The following MTUS2 variants were observed in gnomAD, a reference collection of about 807,000 sequenced individuals.
The protein encoded by MTUS2 is microtubule-associated tumor suppressor candidate 2.
MTUS2 carries 40 observed loss-of-function variants against 114.1 expected under a neutral mutation model. That is an observed-to-expected ratio of 0.35 (90% CI 0.27 to 0.46). The LOEUF (loss-of-function observed/expected upper bound fraction) is 0.46. Ranked by LOEUF, MTUS2 falls within the 20% of genes least tolerant of loss-of-function variation. The probability of loss-of-function intolerance (pLI) is 1.00; values close to 1 mark genes in which losing one functional copy is unlikely to be tolerated. For missense variants in MTUS2, 1,679 were observed against 1,705.4 expected, an observed-to-expected ratio of 0.98 and a Z score of 0.27; for synonymous variants, 688 against 672.0, an observed-to-expected ratio of 1.02 and a Z score of -0.37.
intron 4 of MTUS2, among the ~76,000 whole-genome samples, chr13:29,086,315 C>G (rs1294141721): frequency 6.6e-6 from 1 of 152,098 alleles, no homozygotes; most frequent in Non-Finnish European, 1.5e-5. Context: ...CTTTTTGTTA[C>G]AATTGCTTTT....
chr13:28,910,855 CTTTTTTTTTTTTTTTTTTTTTTT>C (rs555935861), intron 2 of MTUS2, among the ~76,000 whole-genome samples: 16 of 58,006 alleles, frequency 2.8e-4, no homozygotes, highest in Admixed American at 8.6e-4. Flanking sequence ...ATATACATGG[CTTTTTTTTTTTTTTTTTTTTTTT>C]TTTTTTTTTT....
intron 1 of MTUS2, among the ~76,000 whole-genome samples, chr13:28,838,702 T>C (rs1040506254): frequency 6.6e-6 from 1 of 152,228 alleles, no homozygotes; most frequent in Non-Finnish European, 1.5e-5. Context: ...CCCTCAGCTT[T>C]TCTTTCTGTC....
At chr13:29,221,202 G>C (rs1895894637) in intron 5 of MTUS2, among the ~76,000 whole-genome samples, 1 of 152,222 alleles carries the variant, frequency 6.6e-6, no homozygotes, top group African/African-American at 2.4e-5. Flanking sequence ...AACGTGTTCT[G>C]AGTTTTATGG....
At chr13:29,134,707 C>A (rs1196329516) in intron 5 of MTUS2, among the ~76,000 whole-genome samples, 1 of 151,990 alleles carries the variant, frequency 6.6e-6, no homozygotes, top group South Asian at 2.1e-4. Flanking sequence ...AAGCAATTAT[C>A]CCGCCTTAGC....
At chr13:29,161,309 A>C (rs1304107394) in intron 5 of MTUS2, among the ~76,000 whole-genome samples, 1 of 152,126 alleles carries the variant, frequency 6.6e-6, no homozygotes, top group Non-Finnish European at 1.5e-5. Flanking sequence ...AGGGTGTAGA[A>C]GATTGCGCCG....
At chr13:29,086,856 A>G (rs1889714213) in intron 4 of MTUS2, among the ~76,000 whole-genome samples, 1 of 152,054 alleles carries the variant, frequency 6.6e-6, no homozygotes, top group African/African-American at 2.4e-5. Flanking sequence ...CTGTATTCCT[A>G]GGTATTTTAT....
chr13:29,383,209 G>A (rs4643157), intron 8 of MTUS2, among the ~76,000 whole-genome samples: 68,019 of 125,754 alleles, frequency 0.54, 18,732 homozygotes, highest in East Asian at 0.7. Context: ...TAAATGATAG[G>A]AAAATTGAGT....
chr13:29,198,668 C>T (rs1894805779), intron 5 of MTUS2, among the ~76,000 whole-genome samples: 1 of 152,160 alleles, frequency 6.6e-6, no homozygotes, highest in Non-Finnish European at 1.5e-5. Context: ...AAAGTATGGC[C>T]ATTTTCATGA....
At chr13:28,968,059 T>G (rs932560447) in intron 2 of MTUS2, among the ~76,000 whole-genome samples, 1 of 152,212 alleles carries the variant, frequency 6.6e-6, no homozygotes, top group African/African-American at 2.4e-5. Flanking sequence ...CTGCTAACAT[T>G]AGACTGCAAT....
chr13:29,278,875 T>C (rs1447135493), intron 5 of MTUS2, among the ~76,000 whole-genome samples: 1 of 152,214 alleles, frequency 6.6e-6, no homozygotes, highest in Admixed American at 6.5e-5. Context: ...ACAGGTATTA[T>C]CAGATTTACC....
chr13:29,059,840 A>G (rs1237418095), intron 4 of MTUS2, among the ~76,000 whole-genome samples: 1 of 152,222 alleles, frequency 6.6e-6, no homozygotes, highest in Non-Finnish European at 1.5e-5. Context: ...TATGTTGCCC[A>G]TCTAGCTACC....
intron 5 of MTUS2, among the ~76,000 whole-genome samples, chr13:29,220,218 C>G (rs985767890): frequency 1.3e-5 from 2 of 152,124 alleles, no homozygotes; most frequent in Non-Finnish European, 2.9e-5. Context: ...CCAGGCTGGT[C>G]TTGAACTCCT....
intron 2 of MTUS2, among the ~76,000 whole-genome samples, chr13:28,910,759 A>G (rs1234638862): frequency 1.4e-5 from 2 of 141,550 alleles, no homozygotes; most frequent in African/African-American, 5.4e-5. Context: ...TATGTATCAC[A>G]TTTTCTTTAT....
At chr13:29,466,036 C>T (rs1006958710) in intron 9 of MTUS2, among the ~76,000 whole-genome samples, 10 of 152,176 alleles carry the variant, frequency 6.6e-5, no homozygotes, top group Non-Finnish European at 1.0e-4. Flanking sequence ...CACCCATTAG[C>T]CAGGACATCC....
intron 1 of MTUS2, among the ~76,000 whole-genome samples, chr13:28,833,429 A>G (rs1156458523): frequency 2.0e-5 from 3 of 152,156 alleles, no homozygotes; most frequent in Admixed American, 2.0e-4. Context: ...AATTTAATAT[A>G]CCATATTAAT....
chr13:29,300,010 C>T (rs893009184), intron 6 of MTUS2, among the ~76,000 whole-genome samples: 1 of 152,244 alleles, frequency 6.6e-6, no homozygotes, highest in East Asian at 1.9e-4. Context: ...TCCTCTATTA[C>T]AAATTAAGTG....
chr13:28,910,578 C>T (rs1342534117), intron 2 of MTUS2, among the ~76,000 whole-genome samples: 2 of 151,926 alleles, frequency 1.3e-5, no homozygotes, highest in Non-Finnish European at 2.9e-5. Context: ...TGTGTTGTTC[C>T]CCTCCATGTG....
intron 2 of MTUS2, among the ~76,000 whole-genome samples, chr13:29,001,158 C>T (rs74045503): frequency 0.018 from 2,694 of 152,286 alleles, 83 homozygotes; most frequent in African/African-American, 0.061. Context: ...GGATGCTTCT[C>T]ATAAGAACTT....
intron 2 of MTUS2, among the ~76,000 whole-genome samples, chr13:28,917,496 T>A (rs997279552): frequency 1.3e-5 from 2 of 151,740 alleles, no homozygotes. Context: ...TGGTAGGTTG[T>A]GTATGTCTAG....
Sources: gnomAD v4.1 joint callset for allele counts (sites outside exome capture counted in the v4.1 genomes callset) on GRCh38, gnomAD v4.1.1 for gene constraint, MANE v1.5 for transcripts, NCBI Gene and HGNC (gene_info 2026-07-23, HGNC 2026-07-21) for gene names.